Variants in CTNNA3 observed in about 807,000 individuals in gnomAD.
CTNNA3 encodes the protein catenin alpha 3.
CTNNA3 carries 76 observed loss-of-function variants against 95.7 expected under a neutral mutation model. The ratio of observed to expected loss-of-function variants is 0.79; its 90% confidence interval spans 0.66 to 0.96. The LOEUF (loss-of-function observed/expected upper bound fraction) is 0.96. Ranked by LOEUF, CTNNA3 falls within the 40% of genes least tolerant of loss-of-function variation. CTNNA3 has a pLI of 0.00. For missense variants in CTNNA3, 1,191 were observed against 1,089.8 expected (o/e 1.09, Z -1.31); for synonymous variants, 431 against 374.4 (o/e 1.15, Z -1.74).
Position 67,362,633 on chromosome 10 carries a change from C to A in CTNNA3, c.580-142763G>T, listed in dbSNP as rs1010727191. On this transcript the variant is annotated intron_variant, in intron 5 of 17. Transcript: ENST00000433211. ...AATAATAATAGCCATCTATGACAAA[C>A]CCACAGCCAACATCATACTGAATGA... Among the ~76,000 whole-genome samples the A allele has an allele frequency of 2.0e-5, 3 of 152,074 alleles. No individual in the cohort carries two copies. The South Asian group carries it at 6.2e-4, about 32-fold the overall frequency.
chr10:66,062,809 G>T (rs1448143852), intron 15 of CTNNA3, among the ~76,000 whole-genome samples: 1 of 152,044 alleles, frequency 6.6e-6, no homozygotes, highest in African/African-American at 2.4e-5. Context: ...ATGTTGGGCT[G>T]CTTAGCTTTT....
At chr10:66,094,685 C>A (rs2081327215) in intron 14 of CTNNA3, among the ~76,000 whole-genome samples, 1 of 152,142 alleles carries the variant, frequency 6.6e-6, no homozygotes, top group Admixed American at 6.6e-5. Flanking sequence ...ATTTGATGGA[C>A]TATAATCCCT....
chr10:65,976,681 T>C (rs1263023463), intron 16 of CTNNA3, among the ~76,000 whole-genome samples: 2 of 152,212 alleles, frequency 1.3e-5, no homozygotes, highest in Non-Finnish European at 2.9e-5. Context: ...AAAGCCTTTC[T>C]GAGTCAGTTT....
intron 12 of CTNNA3, among the ~76,000 whole-genome samples, chr10:66,319,738 T>C (rs1332629328): frequency 6.6e-6 from 1 of 152,138 alleles, no homozygotes; most frequent in African/African-American, 2.4e-5. Context: ...GTTACTAGCA[T>C]TCAAATGCGA....
intron 5 of CTNNA3, among the ~76,000 whole-genome samples, chr10:67,370,871 T>C (rs931249425): frequency 7.2e-6 from 1 of 139,674 alleles, no homozygotes; most frequent in Non-Finnish European, 1.5e-5. Flanking sequence ...TTTTTTTTGT[T>C]TTTTTTTTTT....
intron 5 of CTNNA3, among the ~76,000 whole-genome samples, chr10:67,428,504 C>T (rs1240349257): frequency 1.3e-5 from 2 of 151,952 alleles, no homozygotes; most frequent in Non-Finnish European, 2.9e-5. Flanking sequence ...GAAATATTAG[C>T]ATTATAACAT....
At chr10:67,469,632 A>G (rs1260440820) in intron 5 of CTNNA3, among the ~76,000 whole-genome samples, 2 of 152,116 alleles carry the variant, frequency 1.3e-5, no homozygotes, top group African/African-American at 4.8e-5. Context: ...TAGAAGAGTG[A>G]TAGCATTAGG....
chr10:66,112,185 T>C (rs990260255), intron 13 of CTNNA3, among the ~76,000 whole-genome samples: 1 of 152,166 alleles, frequency 6.6e-6, no homozygotes, highest in Non-Finnish European at 1.5e-5. Flanking sequence ...CTTTCTGTTA[T>C]AGCCACCAGA....
chr10:67,542,779 G>A (rs1192263234), intron 3 of CTNNA3, among the ~76,000 whole-genome samples: 1 of 152,004 alleles, frequency 6.6e-6, no homozygotes, highest in Non-Finnish European at 1.5e-5. Context: ...CTATTGATAA[G>A]GTATTGACAA....
chr10:66,882,947 A>C (rs1564742638), intron 7 of CTNNA3, among the ~76,000 whole-genome samples: 1 of 152,064 alleles, frequency 6.6e-6, no homozygotes, highest in Non-Finnish European at 1.5e-5. Flanking sequence ...GAGGTTTTTA[A>C]AAACCCCAGA....
intron 11 of CTNNA3, among the ~76,000 whole-genome samples, chr10:66,439,218 A>G (rs928671749): frequency 6.6e-6 from 1 of 152,192 alleles, no homozygotes. Context: ...TAAAATACTT[A>G]TAAAGAAATA....
chr10:67,571,441 T>G (rs1841973626), intron 3 of CTNNA3, among the ~76,000 whole-genome samples: 1 of 152,202 alleles, frequency 6.6e-6, no homozygotes. Flanking sequence ...GGAAAACAAG[T>G]GTTTCTAGAA....
At chr10:66,882,822 A>T (rs1844899007) in intron 7 of CTNNA3, among the ~76,000 whole-genome samples, 1 of 152,174 alleles carries the variant, frequency 6.6e-6, no homozygotes, top group African/African-American at 2.4e-5. Context: ...GAAACATAGG[A>T]TGTAAATAAT....
At chr10:66,937,659 A>T (rs1372196521) in intron 7 of CTNNA3, among the ~76,000 whole-genome samples, 2 of 152,118 alleles carry the variant, frequency 1.3e-5, no homozygotes, top group Non-Finnish European at 2.9e-5. Context: ...CTCCCAACAA[A>T]GCCCAGCTAC....
chr10:67,479,562 C>T (rs1304360195), intron 5 of CTNNA3, among the ~76,000 whole-genome samples: 5 of 151,994 alleles, frequency 3.3e-5, no homozygotes, highest in Non-Finnish European at 7.4e-5. Flanking sequence ...AACAGAGACA[C>T]AACATCCAAA....
chr10:65,983,589 G>C (rs1254903710), intron 16 of CTNNA3, among the ~76,000 whole-genome samples: 1 of 151,348 alleles, frequency 6.6e-6, no homozygotes, highest in Non-Finnish European at 1.5e-5. Flanking sequence ...TTATAGGTAA[G>C]AATAGCTATA....
intron 12 of CTNNA3, among the ~76,000 whole-genome samples, chr10:66,304,344 G>A (rs1477613471): frequency 2.6e-5 from 4 of 152,268 alleles, no homozygotes; most frequent in South Asian, 2.1e-4. Context: ...GTATGACCTC[G>A]TAAATCTGAA....
intron 8 of CTNNA3, among the ~76,000 whole-genome samples, chr10:66,768,054 G>A (rs184399793): frequency 3.3e-5 from 5 of 152,224 alleles, no homozygotes; most frequent in East Asian, 1.9e-4. Context: ...AGTACACCAG[G>A]GAAGTCAGGC....
chr10:67,444,025 T>C (rs1228071208), intron 5 of CTNNA3, among the ~76,000 whole-genome samples: 1 of 152,196 alleles, frequency 6.6e-6, no homozygotes, highest in Non-Finnish European at 1.5e-5. Flanking sequence ...ATGTAATATT[T>C]AATCTGTGCT....
Sources: allele counts gnomAD v4.1 joint callset (sites outside exome capture counted in the v4.1 genomes callset), GRCh38; gene constraint gnomAD v4.1.1; transcripts MANE v1.5; gene names NCBI Gene and HGNC (gene_info 2026-07-23, HGNC 2026-07-21).